The following MTREX variants were observed in gnomAD, a reference collection of about 807,000 sequenced individuals.
MTREX encodes exosome RNA helicase MTR4.
MTREX carries 76 observed loss-of-function variants against 135.4 expected under a neutral mutation model. That is an observed-to-expected ratio of 0.56 (90% CI 0.47 to 0.68). The LOEUF is 0.68. Among genes scored for constraint, MTREX ranks in the 30% least tolerant of loss-of-function variants. MTREX has a pLI of 0.00. For missense variants in MTREX, 920 were observed against 1,262.1 expected, an observed-to-expected ratio of 0.73 and a Z score of 4.11; for synonymous variants, 404 against 401.6, an observed-to-expected ratio of 1.01 and a Z score of -0.07.
At position 55,324,135 on chromosome 5, in the gene MTREX, G is replaced by C. The variant is rs775250566; in HGVS notation, c.276G>C (p.Leu92Phe). The C allele has an allele frequency of 2.5e-6, 4 of 1,609,158 alleles. No individual in the cohort carries two copies. Among genetic ancestry groups the C allele is most frequent in the Non-Finnish European group, 3.4e-6 (4 of 1,176,972 alleles). ...ACTTTAAACAATTCTTTTTAAGTTT[G>C]GCAGACCTGATGCCCAGAGTCAAGG... ...IEESITEDLSLADLMPRVKVQ... is the reference protein window; with the variant it reads ...IEESITEDLSFADLMPRVKVQ... Residue 92 changes from leucine to phenylalanine, a missense_variant, in exon 3 of 27, where the codon TTG (leucine) becomes TTC (phenylalanine). By Grantham distance (22) the Leu-to-Phe change is conservative (BLOSUM62 0). This residue lies in a region of MTREX where 136 missense variants were observed against 126.7 expected (regional missense o/e 1.07). Transcript: ENST00000230640.
chr5:55,413,246 G>A (rs747368198), intron 23 of MTREX, among the ~76,000 whole-genome samples: 24 of 151,460 alleles, frequency 1.6e-4, no homozygotes, highest in Admixed American at 3.9e-4. Context: ...CTGAGGCAGG[G>A]GAATCGCTTG....
At chr5:55,338,630 T>C (rs966013063) in intron 5 of MTREX, among the ~76,000 whole-genome samples, 3 of 151,556 alleles carry the variant, frequency 2.0e-5, no homozygotes, top group African/African-American at 7.3e-5. Context: ...TGCAGATACC[T>C]GAGTGTCTCT....
intron 21 of MTREX, among the ~76,000 whole-genome samples, chr5:55,404,513 T>C (rs979938084): frequency 2.6e-5 from 4 of 152,186 alleles, no homozygotes. Context: ...GAAATATAGA[T>C]AGTCAAGAGA....
At chr5:55,372,006 C>T (rs937782218) in intron 16 of MTREX, among the ~76,000 whole-genome samples, 1 of 152,056 alleles carries the variant, frequency 6.6e-6, no homozygotes, top group Non-Finnish European at 1.5e-5. Flanking sequence ...TCCCTGTTAT[C>T]CCCCATAGAT....
At chr5:55,315,597 A>G (rs1334472175) in intron 1 of MTREX, among the ~76,000 whole-genome samples, 1 of 152,220 alleles carries the variant, frequency 6.6e-6, no homozygotes, top group African/African-American at 2.4e-5. Flanking sequence ...TAGTTAATCC[A>G]CTGGAGATTA....
At chr5:55,329,138 T>C (rs534813646) in intron 5 of MTREX, among the ~76,000 whole-genome samples, 1 of 152,276 alleles carries the variant, frequency 6.6e-6, no homozygotes, top group East Asian at 1.9e-4. Context: ...TGCATATGTA[T>C]TTATGTCTAT....
chr5:55,311,443 A>G (rs1279459310), intron 1 of MTREX, among the ~76,000 whole-genome samples: 1 of 152,152 alleles, frequency 6.6e-6, no homozygotes, highest in Non-Finnish European at 1.5e-5. Context: ...ATGCTACAAC[A>G]GCCTCCCTCT....
At chr5:55,337,280 C>G (rs949829134) in intron 5 of MTREX, among the ~76,000 whole-genome samples, 13 of 151,728 alleles carry the variant, frequency 8.6e-5, no homozygotes, top group Admixed American at 6.6e-5. Flanking sequence ...GCTACCACAC[C>G]CAGCTAATTT....
chr5:55,386,975 A>G (rs2111565226), intron 18 of MTREX, among the ~76,000 whole-genome samples: 1 of 152,266 alleles, frequency 6.6e-6, no homozygotes, highest in Non-Finnish European at 1.5e-5. Context: ...AACTCATTTC[A>G]TAATGACTGA....
chr5:55,400,555 C>A, intron 21 of MTREX, 134 bp downstream of exon 21: 1 of 583,106 alleles, frequency 1.7e-6, no homozygotes, highest in Non-Finnish European at 3.0e-6. Context: ...AATAAACTGT[C>A]AGCTCTGAAC....
intron 25 of MTREX, among the ~76,000 whole-genome samples, chr5:55,416,755 TTGTG>T (rs1300475517): frequency 1.3e-5 from 2 of 152,182 alleles, no homozygotes; most frequent in African/African-American, 4.8e-5. Flanking sequence ...AAAGATTGGT[TTGTG>T]TGTTTATAAA....
rs145515923 is a variant in MTREX at position 55,308,025 on chromosome 5, A to T, written c.12A>T (p.Ala4=). Residue 4 remains alanine, a synonymous_variant, in exon 1 of 27, where the codon GCA becomes GCT. Transcript: ENST00000230640. MAD[A]FGDELFSVFE... Reference sequence around the variant, plus strand: ...CACTGCTCCCAAAAATGGCGGACGCATTCGGAGATGAGCTGTTCAGCGTGT... The same window carrying T: ...CACTGCTCCCAAAAATGGCGGACGCTTTCGGAGATGAGCTGTTCAGCGTGT... The T allele has an allele frequency of 6.2e-7, 1 of 1,614,038 alleles. No homozygotes were observed. The highest frequency in any genetic ancestry group is 8.5e-7 in the Non-Finnish European group (1 of 1,180,042).
intron 25 of MTREX, among the ~76,000 whole-genome samples, chr5:55,419,656 A>G (rs1423753865): frequency 6.6e-6 from 1 of 152,254 alleles, no homozygotes; most frequent in African/African-American, 2.4e-5. Flanking sequence ...TACATAAACA[A>G]TATTGTACTC....
intron 11 of MTREX, among the ~76,000 whole-genome samples, chr5:55,348,182 T>A (rs960912534): frequency 1.3e-5 from 2 of 152,156 alleles, no homozygotes; most frequent in East Asian, 3.9e-4. Flanking sequence ...GAGGGCCTTT[T>A]TTGTCGTGGA....
At chr5:55,393,220 T>C (rs1052647728) in intron 19 of MTREX, among the ~76,000 whole-genome samples, 2 of 152,244 alleles carry the variant, frequency 1.3e-5, no homozygotes, top group East Asian at 3.8e-4. Flanking sequence ...CTTGAATATA[T>C]GCTCCCTGGA....
rs202161484 is a variant in MTREX, at chr5:55,349,612, C to G, written c.1280C>G (p.Ala427Gly). The change falls in exon 12 of 27, where the codon GCA becomes GGA. Residue 427 changes from alanine (A) to glycine (G), a missense_variant. Coordinates refer to ENST00000230640, the MANE Select transcript of MTREX (RefSeq NM_015360.5). ...KKMVEEVFSN[A>G]IDCLSDEDKK... ...ATGGTTGAAGAAGTATTCAGTAATG[C>G]AATTGATTGCTTATCCGATGAAGAT... is the stretch of plus-strand genomic sequence containing the variant. 1 of 1,604,576 alleles carries G rather than the reference C, an allele frequency of 6.2e-7. No homozygotes were observed.
At chr5:55,329,936 C>T (rs1251883840) in intron 5 of MTREX, among the ~76,000 whole-genome samples, 1 of 151,968 alleles carries the variant, frequency 6.6e-6, no homozygotes, top group Non-Finnish European at 1.5e-5. Flanking sequence ...TTAAAGTTGT[C>T]TCACAACTCA....
intron 21 of MTREX, among the ~76,000 whole-genome samples, chr5:55,404,457 T>G (rs1315427211): frequency 2.0e-5 from 3 of 152,224 alleles, no homozygotes; most frequent in African/African-American, 7.2e-5. Context: ...ATTCGTGATT[T>G]AACTTAAGGG....
chr5:55,329,686 A>G (rs1749438925), intron 5 of MTREX, among the ~76,000 whole-genome samples: 2 of 151,964 alleles, frequency 1.3e-5, no homozygotes, highest in Non-Finnish European at 2.9e-5. Context: ...TGGAATTGTA[A>G]TTTTCTTTTA....
Sources: allele counts gnomAD v4.1 joint callset (sites outside exome capture counted in the v4.1 genomes callset), GRCh38; gene constraint gnomAD v4.1.1; regional missense constraint gnomAD v4.1.1; transcripts MANE v1.5; gene names NCBI Gene and HGNC (gene_info 2026-07-23, HGNC 2026-07-21).